Variants in TTN observed in about 807,000 individuals in gnomAD.
The protein encoded by TTN is connectin.
Under a neutral mutation model 3,223.0 loss-of-function variants are expected in TTN, and 1,525 were observed. The ratio of observed to expected loss-of-function variants is 0.47; its 90% CI spans 0.45 to 0.49. The LOEUF (loss-of-function observed/expected upper bound fraction) is 0.49, where lower values mean the gene tolerates loss of function less well. Among genes scored for constraint, TTN ranks in the 20% least tolerant of loss-of-function variants. The probability of loss-of-function intolerance (pLI) is 0.00; values close to 1 mark genes in which losing one functional copy is unlikely to be tolerated. For synonymous variants in TTN, 14,094 were observed against 15,161.0 expected, an observed-to-expected ratio of 0.93 and a Z score of 5.17; for missense variants, 40,786 against 43,424.0, an observed-to-expected ratio of 0.94 and a Z score of 5.40.
Position 178,591,483 on chromosome 2 carries a change from T to C in TTN, c.60242A>G (p.Asp20081Gly), listed in dbSNP as rs369680191. The C allele has an allele frequency of 8.2e-6, 13 of 1,587,412 alleles. No homozygotes were observed. Among genetic ancestry groups the C allele is most frequent in the Non-Finnish European group, 2.6e-6 (3 of 1,171,704 alleles). Reference protein sequence around the residue: ...EKLVPPSVELDVKLIEGLVVK... With the variant: ...EKLVPPSVELGVKLIEGLVVK... ...CACAAGACCTTCAATTAATTTCACATCTAGCTCCACGGATGGAGGCACTGA... is the reference window on the plus strand; with the variant it reads ...CACAAGACCTTCAATTAATTTCACACCTAGCTCCACGGATGGAGGCACTGA... The change falls in exon 304 of 363, where the codon GAT becomes GGT. Residue 20081 changes from aspartate (D) to glycine (G), a missense_variant. Physicochemically the swap from Asp to Gly is moderately conservative, Grantham distance 94 (BLOSUM62 -1). Transcript: ENST00000589042.
rs759447234 is a variant in TTN, at chr2:178,594,389, T to C, written c.58105A>G (p.Lys19369Glu). Residue 19369 changes from lysine (K) to glutamate (E), a missense_variant, in exon 296 of 363, where the codon AAA becomes GAA. By Grantham distance (56) the Lys-to-Glu change is moderately conservative. Coordinates refer to ENST00000589042, the MANE Select transcript of TTN (RefSeq NM_001267550.2). ...VSAVNIVGQG[K>E]PSFCTKPITC... ...ATTGGTTTGGTGCAAAATGATGGTT[T>C]GCCTTGTCCAACAATGTTGACAGCA... is the stretch of plus-strand genomic sequence containing the variant. The C allele has an allele frequency of 1.4e-5, 23 of 1,603,264 alleles. No homozygotes were observed. Among genetic ancestry groups the C allele is most frequent in the Admixed American group, 1.7e-5 (1 of 58,808 alleles).
Position 178,730,389 on chromosome 2 carries a change from A to G in TTN, c.18029-18T>C, listed in dbSNP as rs2080231548. On this transcript the variant is annotated intron_variant, in intron 61 of 362. Coordinates refer to ENST00000589042, the MANE Select transcript of TTN (RefSeq NM_001267550.2). ...AGGGGGTTCTGAGGTGAAAGAAAAAACAAGCAAAAGAAAATAGGAAGTTTT... is the reference window on the plus strand; with the variant it reads ...AGGGGGTTCTGAGGTGAAAGAAAAAGCAAGCAAAAGAAAATAGGAAGTTTT... 1 of 1,561,000 alleles carries G rather than the reference A, an allele frequency of 6.4e-7. No individual in the cohort carries two copies. Among genetic ancestry groups the G allele is most frequent in the African/African-American group, 1.4e-5 (1 of 72,394 alleles).
intron 210 of TTN, 32 bp from the exon 211 acceptor site, chr2:178,649,926 G>T: frequency 6.3e-7 from 1 of 1,591,064 alleles, no homozygotes; most frequent in Non-Finnish European, 8.6e-7. Context: ...TTAGAATTAG[G>T]TGATTACAAT....
chr2:178,657,522 T>G lies in TTN; in HGVS notation c.38014A>C (p.Lys12672Gln). 1.3e-6 allele frequency: 2 copies of G among 1,580,260 alleles called. No homozygotes were observed. Among genetic ancestry groups the G allele is most frequent in the Non-Finnish European group, 1.7e-6 (2 of 1,167,256 alleles). ...CCTTTAACAGGTGGGACTTCAGGCT[T>G]TTTAGGAGGAGTCGAGGGCACTTTC... ...EKKVPSTPPK[K>Q]PEVPPVKVPE... is the part of the protein sequence containing the mutation. Residue 12672 changes from lysine (K) to glutamine (Q), a missense_variant, in exon 189 of 363, where the codon AAG becomes CAG. Lys to Gln is a moderately conservative substitution (Grantham distance 53). Transcript: ENST00000589042.
In TTN at chr2:178,636,557, T is replaced by C; in HGVS notation, c.41170A>G (p.Ser13724Gly). 6.2e-7 allele frequency: 1 copy of C among 1,613,506 alleles called. No individual in the cohort carries two copies. The highest frequency in any genetic ancestry group is 8.5e-7 in the Non-Finnish European group (1 of 1,179,612). Residue 13724 changes from serine (S) to glycine (G), a missense_variant, in exon 225 of 363, where the codon AGC becomes GGC. By Grantham distance (56) the Ser-to-Gly change is moderately conservative. Coordinates refer to ENST00000589042, the MANE Select transcript of TTN (RefSeq NM_001267550.2). This position sits in a 1 kb window ranked among gnomAD's most constrained non-coding sequence, Gnocchi z 4.3. The part of the protein sequence containing the change: ...TAITTWMKDG[S>G]NIRESPKHRF... ...TGCTTGGGACTCTCACGGATATTGC[T>C]ACCGTCTTTCATCCAGGTTGTAATT...
intron 96 of TTN, among the ~76,000 whole-genome samples, chr2:178,711,678 G>A (rs1268591488): frequency 6.6e-6 from 1 of 152,234 alleles, no homozygotes; most frequent in African/African-American, 2.4e-5. Context: ...TACTTACGGG[G>A]TGGAATTTAA....
chr2:178,551,495 G>T, intron 335 of TTN, 135 bp downstream of exon 335: 1 of 828,130 alleles, frequency 1.2e-6, no homozygotes, highest in Non-Finnish European at 1.8e-6. Context: ...AATTCCTCTT[G>T]CTTTACATGA....
intron 159 of TTN, among the ~76,000 whole-genome samples, chr2:178,668,912 G>T (rs2066462461): frequency 6.6e-6 from 1 of 151,606 alleles, no homozygotes; most frequent in Admixed American, 6.6e-5. Flanking sequence ...TTCTTTTGAG[G>T]TTTGAGTGGC....
At chr2:178,671,776 T>A (rs1373625478) in intron 155 of TTN, among the ~76,000 whole-genome samples, 195 bp downstream of exon 155, 1 of 151,744 alleles carries the variant, frequency 6.6e-6, no homozygotes, top group Non-Finnish European at 1.5e-5. Context: ...TAAGTAGATA[T>A]CAAATATTAC....
rs763340759 is a variant in TTN, at chr2:178,701,595, G to A, written c.30539-8C>T. 1.2e-6 allele frequency: 2 copies of A among 1,613,326 alleles called. No individual in the cohort carries two copies. Among genetic ancestry groups the A allele is most frequent in the Non-Finnish European group, 1.7e-6 (2 of 1,179,458 alleles). On this transcript the variant is annotated splice_polypyrimidine_tract_variant and splice_region_variant and intron_variant, in intron 109 of 362. Coordinates refer to ENST00000589042, the MANE Select transcript of TTN (RefSeq NM_001267550.2). ...CTCTGGAGTCAGGAATATCTGGAAAGGGACATGTAATAAGCATAGAGAGAC... is the reference window on the plus strand; with the variant it reads ...CTCTGGAGTCAGGAATATCTGGAAAAGGACATGTAATAAGCATAGAGAGAC...
chr2:178,685,400 T>A lies in TTN; in HGVS notation c.32393-70A>T, dbSNP rs139755329. 1,217 of 1,480,386 alleles carry A rather than the reference T, an allele frequency of 8.2e-4. 5 individuals carry two copies. The African/African-American group carries it at 0.016, about 19-fold the overall frequency. 91.7% of individuals were successfully genotyped at this position (1,480,386 alleles called of 1,614,324 possible). A position where few individuals can be genotyped will look rare whatever the true frequency, so the allele number is the denominator to read the frequency against. On this transcript the variant is annotated intron_variant, in intron 128 of 362. Transcript: ENST00000589042. Reference sequence around the variant, plus strand: ...TTTTCGATAAAAGTGTAAGGGATCTTTTTATTAGACATGATATTTATCAAT... The same window carrying A: ...TTTTCGATAAAAGTGTAAGGGATCTATTTATTAGACATGATATTTATCAAT...
In TTN at chr2:178,651,907, G is replaced by A. The variant is rs1210467311; in HGVS notation, c.39356C>T (p.Pro13119Leu). 1.9e-6 allele frequency: 3 copies of A among 1,609,332 alleles called. No homozygotes were observed. Among genetic ancestry groups the A allele is most frequent in the South Asian group, 1.1e-5 (1 of 90,210 alleles). The part of the protein sequence containing the change: ...EEPPAEVVEE[P>L]EPAAPPQVTV... ...ACCTTGTGGAGGCGCCGCTGGCTCT[G>A]GCTCTTCCACAACTTCAGCAGGAGG... The change falls in exon 205 of 363, where the codon CCA becomes CTA. Residue 13119 changes from proline (P) to leucine (L), a missense_variant. By Grantham distance (98) the Pro-to-Leu change is moderately conservative (BLOSUM62 -3). Transcript: ENST00000589042.
chr2:178,796,090 G>A (rs776497659), intron 6 of TTN, among the ~76,000 whole-genome samples: 8 of 152,176 alleles, frequency 5.3e-5, no homozygotes, highest in Non-Finnish European at 1.0e-4. Context: ...TGTATCCAAA[G>A]TGCAAGTAGC....
intron 92 of TTN, chr2:178,713,612 T>C: frequency 1.4e-6 from 1 of 695,392 alleles, no homozygotes; most frequent in Non-Finnish European, 2.3e-6. Flanking sequence ...CCGTGAAGAA[T>C]TATGTGGTGA....
In TTN at chr2:178,617,936, C is replaced by G. The variant is rs952794266; in HGVS notation, c.47415G>C (p.Trp15805Cys). The change falls in exon 253 of 363, where the codon TGG becomes TGC. Residue 15805 changes from tryptophan (W) to cysteine (C), a missense_variant. Transcript: ENST00000589042. ...IELRDKTSIR[W>C]DTAMTVRAED... ...CAGCTCTCACAGTCATGGCAGTATC[C>G]CACCTGATAGAAGTCTTGTCTCTTA... 1 of 1,612,654 alleles carries G rather than the reference C, an allele frequency of 6.2e-7. No homozygotes were observed. Among genetic ancestry groups the G allele is most frequent in the Non-Finnish European group, 8.5e-7 (1 of 1,179,102 alleles).
At chr2:178,745,844 C>T (rs2083407424) in intron 47 of TTN, 2 of 1,613,082 alleles carry the variant, frequency 1.2e-6, no homozygotes, top group South Asian at 1.1e-5. Context: ...GTCAGAAATA[C>T]CTTTGATAAA....
At chr2:178,726,246 G>A in intron 69 of TTN, 200 bp from the exon 70 acceptor site, 1 of 512,778 alleles carries the variant, frequency 2.0e-6, no homozygotes, top group Non-Finnish European at 3.3e-6. Context: ...AGAGAACCCA[G>A]ATAGATCCTA....
In TTN at chr2:178,641,283, T is replaced by C. The variant is rs1180921859; in HGVS notation, c.40591A>G (p.Lys13531Glu). Residue 13531 changes from lysine to glutamate, a missense_variant, in exon 220 of 363, where the codon AAA (lysine) becomes GAA (glutamate). By Grantham distance (56) the Lys-to-Glu change is moderately conservative. Transcript: ENST00000589042. The stretch of plus-strand genomic sequence containing the variant: ...TTTTCTAGTTTTTTAGGTTCTACTT[T>C]AGGTTCTTCTTCTTCAGGTCTTTTT... ...LRKRPEEEEP[K>E]VEPKKLEKVK... is the part of the protein sequence containing the mutation. The C allele has an allele frequency of 1.3e-6, 2 of 1,510,724 alleles. No individual in the cohort carries two copies. Among genetic ancestry groups the C allele is most frequent in the East Asian group, 5.0e-5 (2 of 40,112 alleles). The allele number at this position is 1,510,724 out of a possible 1,614,324, so 93.6% of individuals were successfully genotyped here.
chr2:178,612,196 A>G lies in TTN; in HGVS notation c.50249-34T>C. The stretch of plus-strand genomic sequence containing the variant: ...AAAATAAACAATGATTAGGAAAACC[A>G]GAGGAAAGGTGATAATCTCCTGTCA... On this transcript the variant is annotated intron_variant, in intron 266 of 362. Coordinates refer to ENST00000589042, the MANE Select transcript of TTN (RefSeq NM_001267550.2). 3 of 1,606,022 alleles carry G rather than the reference A, an allele frequency of 1.9e-6. No individual in the cohort carries two copies. The South Asian group carries it at 3.4e-5, about 18-fold the overall frequency.
Sources: gnomAD v4.1 joint callset for allele counts (sites outside exome capture counted in the v4.1 genomes callset) on GRCh38, gnomAD v4.1.1 for gene constraint, Gnocchi (gnomAD v3.1) non-coding constraint, MANE v1.5 for transcripts, NCBI Gene and HGNC (gene_info 2026-07-23, HGNC 2026-07-21) for gene names.